The following NEK6 variants were observed in gnomAD, a reference collection of about 807,000 sequenced individuals.
NEK6 encodes the protein serine/threonine-protein kinase Nek6.
NEK6 carries 27 observed loss-of-function variants against 43.5 expected under a neutral mutation model. That is an observed-to-expected ratio of 0.62 (90% CI 0.46 to 0.86). NEK6 has a LOEUF of 0.86. NEK6 is among the 40% of genes least tolerant of loss of function. NEK6 has a pLI of 0.00. For missense variants in NEK6, 318 were observed against 414.4 expected (o/e 0.77, Z 2.02); for synonymous variants, 167 against 164.1 (o/e 1.02, Z -0.14).
chr9:124,288,959 A>G (rs1832279197), intron 1 of NEK6, among the ~76,000 whole-genome samples: 1 of 151,832 alleles, frequency 6.6e-6, no homozygotes, highest in Non-Finnish European at 1.5e-5. Flanking sequence ...AGTTAAGTAC[A>G]TTGGGGTTTT....
chr9:124,310,096 C>A (rs1833455068), intron 2 of NEK6, among the ~76,000 whole-genome samples: 1 of 152,164 alleles, frequency 6.6e-6, no homozygotes, highest in South Asian at 2.1e-4. Flanking sequence ...AGCTGAGAGC[C>A]CACCCGATAC....
At chr9:124,348,281 G>A (rs1173104201) in intron 9 of NEK6, among the ~76,000 whole-genome samples, 1 of 152,164 alleles carries the variant, frequency 6.6e-6, no homozygotes, top group Admixed American at 6.5e-5. Flanking sequence ...TTATATAACA[G>A]ACTTAACACC....
chr9:124,279,798 G>A (rs1288009507), intron 1 of NEK6, among the ~76,000 whole-genome samples: 3 of 152,200 alleles, frequency 2.0e-5, no homozygotes, highest in Non-Finnish European at 2.9e-5. Context: ...CTCAAGGCAC[G>A]TATCGCTGTC....
chr9:124,316,566 C>T (rs981222105), intron 4 of NEK6, among the ~76,000 whole-genome samples: 8 of 152,190 alleles, frequency 5.3e-5, no homozygotes, highest in African/African-American at 1.9e-4. Flanking sequence ...CAAGTGTGTC[C>T]CCTTCCAGAC....
chr9:124,324,907 G>C lies in NEK6; in HGVS notation c.406-1423G>C, dbSNP rs1215078344. On this transcript the variant is annotated intron_variant, in intron 5 of 9. Transcript: ENST00000320246. The surrounding 1 kb of genome is among the most constrained non-coding windows in gnomAD (Gnocchi z 5.3). Reference sequence around the variant, plus strand: ...TGGGCTAAGGGGGCCAGGCGTGGTGGCTCACGCCTGTAATCCCAGCACTTT... The same window carrying C: ...TGGGCTAAGGGGGCCAGGCGTGGTGCCTCACGCCTGTAATCCCAGCACTTT... 6.6e-6 allele frequency among the ~76,000 whole-genome samples: 1 copy of C among 152,210 alleles called. No homozygotes were observed. The highest frequency in any genetic ancestry group is 1.5e-5 in the Non-Finnish European group (1 of 68,028).
At chr9:124,346,510 C>CG (rs899681941) in intron 8 of NEK6, among the ~76,000 whole-genome samples, 3 of 152,162 alleles carry the variant, frequency 2.0e-5, no homozygotes, top group Non-Finnish European at 2.9e-5. Flanking sequence ...GTGGCCCCTC[C>CG]GGGGGGGAAC....
chr9:124,345,964 G>A (rs985292963), intron 8 of NEK6, among the ~76,000 whole-genome samples: 5 of 152,168 alleles, frequency 3.3e-5, no homozygotes, highest in African/African-American at 7.2e-5. Flanking sequence ...AATGGGCAGG[G>A]CCTCTGCATC....
Position 124,326,201 on chromosome 9 carries a change from A to ATT in NEK6, c.406-128_406-127insTT. ...GGCTTATTGTTTGCTCAGTGGCTCAATCCCCCCCCCCCGCCCCTGCCAGGC... is the reference window on the plus strand; with the variant it reads ...GGCTTATTGTTTGCTCAGTGGCTCAATTTCCCCCCCCCCCGCCCCTGCCAGGC... On this transcript the variant is annotated intron_variant, in intron 5 of 9. Transcript: ENST00000320246. This position sits in a 1 kb window ranked among gnomAD's most constrained non-coding sequence, Gnocchi z 4.5. The ATT allele has an allele frequency of 5.6e-6, 1 of 178,468 alleles. No homozygotes were observed. The highest frequency in any genetic ancestry group is 1.3e-5 in the Non-Finnish European group (1 of 77,460). 11.1% of individuals were successfully genotyped at this position (178,468 alleles called of 1,614,324 possible). A position where few individuals can be genotyped will look rare whatever the true frequency, so the allele number is the denominator to read the frequency against.
At chr9:124,311,478 C>T (rs1197717143) in intron 2 of NEK6, among the ~76,000 whole-genome samples, 1 of 152,168 alleles carries the variant, frequency 6.6e-6, no homozygotes, top group African/African-American at 2.4e-5. Context: ...ACTGTTGGCG[C>T]CCCCTCCTGC....
At chr9:124,314,285 C>A (rs79696507) in intron 4 of NEK6, among the ~76,000 whole-genome samples, 3 of 152,306 alleles carry the variant, frequency 2.0e-5, no homozygotes, top group East Asian at 3.9e-4. Context: ...CCCCACAGGG[C>A]AGCCCTGACC....
intron 1 of NEK6, among the ~76,000 whole-genome samples, chr9:124,294,758 C>G (rs1230378391): frequency 6.6e-6 from 1 of 152,094 alleles, no homozygotes; most frequent in Admixed American, 6.5e-5. Flanking sequence ...CTCCGGTGTG[C>G]GGACCTTTTG....
rs10986303 is a variant in NEK6, at chr9:124,285,538, C to T, written c.-29-16398C>T. On this transcript the variant is annotated intron_variant, in intron 1 of 9. Coordinates refer to ENST00000320246, the MANE Select transcript of NEK6 (RefSeq NM_014397.6). The stretch of plus-strand genomic sequence containing the variant: ...CCGAGAGTCTCCCAGGCTATAGTTT[C>T]TGAAGGCTACTGAGTGAACTGAAGA... Among the ~76,000 whole-genome samples the T allele has an allele frequency of 2.8e-4, 42 of 152,266 alleles. No individual in the cohort carries two copies. In the East Asian group the frequency reaches 7.5e-3, roughly 27 times the overall value.
intron 4 of NEK6, among the ~76,000 whole-genome samples, chr9:124,319,619 T>A (rs1230057042): frequency 6.6e-6 from 1 of 152,228 alleles, no homozygotes; most frequent in Non-Finnish European, 1.5e-5. Flanking sequence ...CAATCTTGAT[T>A]TAATTTTTAC....
At chr9:124,311,925 C>T (rs1290677936) in intron 2 of NEK6, among the ~76,000 whole-genome samples, 3 of 152,166 alleles carry the variant, frequency 2.0e-5, no homozygotes, top group Admixed American at 6.5e-5. Context: ...CCTGACCTCT[C>T]GAACTCCCGC....
chr9:124,331,540 G>A (rs1003374187), intron 7 of NEK6, among the ~76,000 whole-genome samples: 4 of 152,142 alleles, frequency 2.6e-5, no homozygotes, highest in African/African-American at 9.7e-5. Context: ...CGAGACCTCA[G>A]GTGCGAGGAA....
At chr9:124,320,217 C>T (rs1370084959) in intron 4 of NEK6, among the ~76,000 whole-genome samples, 1 of 152,200 alleles carries the variant, frequency 6.6e-6, no homozygotes, top group Non-Finnish European at 1.5e-5. Context: ...CTTGGACAGG[C>T]AGTGGGCGCC....
chr9:124,258,826 G>C (rs1405004579), intron 1 of NEK6, among the ~76,000 whole-genome samples: 1 of 152,274 alleles, frequency 6.6e-6, no homozygotes, highest in Non-Finnish European at 1.5e-5. Context: ...GCCACTGGCA[G>C]GACCCTCTCT....
At chr9:124,311,469 C>G (rs1351866182) in intron 2 of NEK6, among the ~76,000 whole-genome samples, 1 of 152,194 alleles carries the variant, frequency 6.6e-6, no homozygotes, top group South Asian at 2.1e-4. Flanking sequence ...CCCTGGCCCA[C>G]TGTTGGCGCC....
intron 1 of NEK6, among the ~76,000 whole-genome samples, chr9:124,282,285 C>T (rs916820977): frequency 6.6e-6 from 1 of 152,172 alleles, no homozygotes; most frequent in African/African-American, 2.4e-5. Flanking sequence ...CGTGGCTCGT[C>T]TACACATCCC....
Sources: allele counts gnomAD v4.1 joint callset (sites outside exome capture counted in the v4.1 genomes callset), GRCh38; gene constraint gnomAD v4.1.1; non-coding constraint Gnocchi (gnomAD v3.1); transcripts MANE v1.5; gene names NCBI Gene and HGNC (gene_info 2026-07-23, HGNC 2026-07-21).